KNTC1: variants seen among roughly 807,000 people sequenced by gnomAD.
The protein encoded by KNTC1 is kinetochore-associated protein 1.
In KNTC1, 253 loss-of-function variants were observed where a neutral mutation model predicts 314.4. That is an observed-to-expected ratio of 0.80 (90% confidence interval 0.73 to 0.89). The LOEUF is 0.89. KNTC1 is among the 40% of genes least tolerant of loss of function. The probability of loss-of-function intolerance (pLI) is 0.00; values close to 1 mark genes in which losing one functional copy is unlikely to be tolerated. For synonymous variants in KNTC1, 901 were observed against 901.4 expected, an observed-to-expected ratio of 1.00 and a Z score of 0.01; for missense variants, 2,475 against 2,572.9, an observed-to-expected ratio of 0.96 and a Z score of 0.82.
intron 31 of KNTC1, among the ~76,000 whole-genome samples, chr12:122,578,170 A>G (rs1348012645): frequency 6.6e-6 from 1 of 152,248 alleles, no homozygotes; most frequent in Non-Finnish European, 1.5e-5. Context: ...ATAACATTGA[A>G]ACTTAGAAAT....
At chr12:122,604,191 T>A (rs1008860109) in intron 48 of KNTC1, among the ~76,000 whole-genome samples, 16 of 147,736 alleles carry the variant, frequency 1.1e-4, no homozygotes, top group African/African-American at 4.1e-4. Context: ...TTTTTTTTTT[T>A]TAACAGAGTC....
intron 29 of KNTC1, 82 bp from the exon 30 acceptor site, chr12:122,576,813 G>C: frequency 9.6e-7 from 1 of 1,037,748 alleles, no homozygotes; most frequent in East Asian, 2.8e-5. Context: ...AAATTTTTTT[G>C]CCACTTTGCT....
chr12:122,534,943 G>A (rs1051538997), intron 3 of KNTC1, among the ~76,000 whole-genome samples, 159 bp downstream of exon 3: 7 of 152,114 alleles, frequency 4.6e-5, no homozygotes, highest in African/African-American at 1.4e-4. Context: ...CCTTATTTGC[G>A]TTGGGCACTA....
chr12:122,596,810 T>G (rs1871116207), intron 43 of KNTC1, among the ~76,000 whole-genome samples: 1 of 152,076 alleles, frequency 6.6e-6, no homozygotes, highest in Non-Finnish European at 1.5e-5. Flanking sequence ...CCGCTGCACT[T>G]TAGCCTGGGG....
At chr12:122,588,949 T>C (rs1869766782) in intron 40 of KNTC1, 133 bp downstream of exon 40, 1 of 466,792 alleles carries the variant, frequency 2.1e-6, no homozygotes, top group Non-Finnish European at 3.8e-6. Context: ...AGAAACTGTC[T>C]TATAGCTAAT....
chr12:122,554,385 A>C, intron 16 of KNTC1, among the ~76,000 whole-genome samples: 1 of 152,026 alleles, frequency 6.6e-6, no homozygotes, highest in East Asian at 1.9e-4. Flanking sequence ...CCCAGCAAGA[A>C]TAATTCTGTG....
In KNTC1 at chr12:122,582,994, C is replaced by T. The variant is rs146257705; in HGVS notation, c.3263+9C>T. 6 of 1,598,254 alleles carry T rather than the reference C, an allele frequency of 3.8e-6. No individual in the cohort carries two copies. In the African/African-American group the frequency reaches 6.7e-5, roughly 18 times the overall value. On this transcript the variant is annotated intron_variant, in intron 34 of 63. Transcript: ENST00000333479. ...GCACTGAAAAAATGCAGGTGACATT[C>T]CAGATCCCTGAATTGCATAGCTTCT... is the stretch of plus-strand genomic sequence containing the variant.
At chr12:122,623,000 T>C (rs1411545718) in intron 62 of KNTC1, among the ~76,000 whole-genome samples, 1 of 152,182 alleles carries the variant, frequency 6.6e-6, no homozygotes, top group African/African-American at 2.4e-5. Context: ...ACTGTAGAGC[T>C]ATTTGGTTGT....
At chr12:122,571,235 G>A (rs925099846) in intron 24 of KNTC1, 109 bp downstream of exon 24, 2 of 729,968 alleles carry the variant, frequency 2.7e-6, no homozygotes, top group East Asian at 2.8e-5. Context: ...TAAATTTTCT[G>A]TTTTTTTGTG....
intron 57 of KNTC1, among the ~76,000 whole-genome samples, chr12:122,616,908 G>A (rs1233622225): frequency 8.6e-5 from 13 of 151,972 alleles, no homozygotes; most frequent in Admixed American, 8.5e-4. Context: ...ACTCCCTCCA[G>A]CCCCCAGTGA....
Position 122,573,044 on chromosome 12 carries a change from T to C in KNTC1, c.2127T>C (p.Ser709=), listed in dbSNP as rs752658670. ...HRKYNCKLAL[S]DFEKENTTTI... ...AGTACAACTGCAAATTAGCCCTCTCTGATTTTGAGAAGGTAAAGTCCAGGG... is the reference window on the plus strand; with the variant it reads ...AGTACAACTGCAAATTAGCCCTCTCCGATTTTGAGAAGGTAAAGTCCAGGG... Residue 709 remains serine, a synonymous_variant, in exon 25 of 64, where the codon TCT becomes TCC. Coordinates refer to ENST00000333479, the MANE Select transcript of KNTC1 (RefSeq NM_014708.6). 5.0e-6 allele frequency: 8 copies of C among 1,612,218 alleles called. No individual in the cohort carries two copies. The highest frequency in any genetic ancestry group is 1.7e-5 in the Admixed American group (1 of 59,686).
In KNTC1 at chr12:122,573,190, C is replaced by T. The variant is rs745972828; in HGVS notation, c.2188C>T (p.Pro730Ser). ...CCGAATGTTTGATAAAGTGCTGGCC[C>T]CAGAGCTTATTCCCTCCATCTTAGA... is the stretch of plus-strand genomic sequence containing the variant. Reference protein sequence around the residue: ...VFRMFDKVLAPELIPSILEKF... With the variant: ...VFRMFDKVLASELIPSILEKF... The change falls in exon 26 of 64, where the codon CCA becomes TCA. Residue 730 changes from proline (P) to serine (S), a missense_variant. Coordinates refer to ENST00000333479, the MANE Select transcript of KNTC1 (RefSeq NM_014708.6). The T allele has an allele frequency of 7.4e-6, 12 of 1,613,788 alleles. No individual in the cohort carries two copies. The highest frequency in any genetic ancestry group is 1.1e-5 in the South Asian group (1 of 91,068).
At position 122,541,322 on chromosome 12, in the gene KNTC1, TTCCG is replaced by T. The variant is rs199669454; in HGVS notation, c.446-724_446-721del. 2.0e-3 allele frequency among the ~76,000 whole-genome samples: 277 copies of T among 135,636 alleles called. 5 individuals carry two copies. Among genetic ancestry groups the T allele is most frequent in the African/African-American group, 7.2e-3 (211 of 29,448 alleles). 89.0% of individuals were successfully genotyped at this position (135,636 alleles called of 152,430 possible). ...CTTCCTTCCTTCCTTCCTTCCTTCC[TTCCG>T]TCCTTCCTCTGTCTCTCCCTCTCTT... On this transcript the variant is annotated intron_variant, in intron 5 of 63. Coordinates refer to ENST00000333479, the MANE Select transcript of KNTC1 (RefSeq NM_014708.6).
chr12:122,599,925 G>A (rs1224095332), intron 44 of KNTC1, among the ~76,000 whole-genome samples: 2 of 152,070 alleles, frequency 1.3e-5, no homozygotes, highest in African/African-American at 2.4e-5. Flanking sequence ...AGCTGAAGAG[G>A]GGAGGATTGC....
intron 45 of KNTC1, chr12:122,602,357 G>A: frequency 2.5e-6 from 1 of 393,732 alleles, no homozygotes; most frequent in African/African-American, 2.1e-5. Context: ...GGCACCAGTG[G>A]TTTCTCCTCA....
At chr12:122,563,923 T>C (rs918741360) in intron 20 of KNTC1, among the ~76,000 whole-genome samples, 1 of 152,204 alleles carries the variant, frequency 6.6e-6, no homozygotes, top group African/African-American at 2.4e-5. Context: ...CCTTACCTCT[T>C]TCTTTTCTAT....
intron 21 of KNTC1, among the ~76,000 whole-genome samples, chr12:122,568,697 A>T (rs1156237644): frequency 6.6e-6 from 1 of 152,118 alleles, no homozygotes; most frequent in African/African-American, 2.4e-5. Flanking sequence ...GTAGCCGGGC[A>T]TGGTGGCACG....
chr12:122,587,002 A>G (rs1443539911), intron 38 of KNTC1, among the ~76,000 whole-genome samples: 1 of 152,032 alleles, frequency 6.6e-6, no homozygotes, highest in African/African-American at 2.4e-5. Context: ...TTTTTAGTAG[A>G]GACAGGATTT....
chr12:122,556,940 T>TTAA (rs71085823), intron 16 of KNTC1, among the ~76,000 whole-genome samples: 3 of 141,302 alleles, frequency 2.1e-5, no homozygotes, highest in Admixed American at 7.0e-5. Context: ...TTTTTTTTTT[T>TTAA]AAATAGGGTC....
Sources: allele counts gnomAD v4.1 joint callset (sites outside exome capture counted in the v4.1 genomes callset), GRCh38; gene constraint gnomAD v4.1.1; transcripts MANE v1.5; gene names NCBI Gene and HGNC (gene_info 2026-07-23, HGNC 2026-07-21).